The following MAST1 variants were observed in gnomAD, a reference collection of about 807,000 sequenced individuals.
MAST1 encodes microtubule-associated serine/threonine-protein kinase 1.
Under a neutral mutation model 124.6 loss-of-function variants are expected in MAST1, and 40 were observed. The ratio of observed to expected loss-of-function variants is 0.32; its 90% CI spans 0.25 to 0.42. The LOEUF (loss-of-function observed/expected upper bound fraction) is 0.42, where lower values mean the gene tolerates loss of function less well. Among genes scored for constraint, MAST1 ranks in the 10% least tolerant of loss-of-function variants. MAST1 has a pLI of 1.00. For missense variants in MAST1, 1,558 were observed against 2,181.9 expected, an observed-to-expected ratio of 0.71 and a Z score of 5.70; for synonymous variants, 938 against 939.4, an observed-to-expected ratio of 1.00 and a Z score of 0.03.
At position 12,847,968 on chromosome 19, in the gene MAST1, C is replaced by T; in HGVS notation, c.685C>T (p.Arg229Trp). 6.2e-7 allele frequency: 1 copy of T among 1,614,104 alleles called. No individual in the cohort carries two copies. The highest frequency in any genetic ancestry group is 1.3e-5 in the African/African-American group (1 of 75,058). The change falls in exon 7 of 26, where the codon CGG (arginine) becomes TGG (tryptophan). Residue 229 changes from arginine (R) to tryptophan (W), a missense_variant. Physicochemically the swap from Arg to Trp is moderately radical, Grantham distance 101 (BLOSUM62 -3). This residue lies in a region of MAST1 where 165 missense variants were observed against 315.3 expected (regional missense o/e 0.52). Coordinates refer to ENST00000251472, the MANE Select transcript of MAST1 (RefSeq NM_014975.3). The surrounding 1 kb of genome is among the most constrained non-coding windows in gnomAD (Gnocchi z 5.5). ...FIHHQIIELARDCLTKSRDGL... is the reference protein window; with the variant it reads ...FIHHQIIELAWDCLTKSRDGL... ...CCACCACCAGATCATCGAGCTGGCC[C>T]GGGACTGCCTGACCAAGTCCCGTGA...
intron 18 of MAST1, among the ~76,000 whole-genome samples, chr19:12,867,123 C>T (rs913438270): frequency 6.6e-6 from 1 of 152,098 alleles, no homozygotes; most frequent in African/African-American, 2.4e-5. Context: ...TTTCTAATAA[C>T]GGGCAGAGAA....
intron 10 of MAST1, among the ~76,000 whole-genome samples, chr19:12,857,232 T>A (rs1970026574): frequency 6.6e-6 from 1 of 151,274 alleles, no homozygotes; most frequent in African/African-American, 2.4e-5. Flanking sequence ...TACAGGCATG[T>A]GCCATCATGC....
At chr19:12,869,405 C>A in intron 22 of MAST1, 110 bp downstream of exon 22, 1 of 778,484 alleles carries the variant, frequency 1.3e-6, no homozygotes, top group Non-Finnish European at 2.1e-6. Flanking sequence ...ACCCTCTATG[C>A]CTCTTCCCTC....
chr19:12,868,103 A>ATTTTCTTTTTTTTTTT (rs1970181737), intron 20 of MAST1, 126 bp downstream of exon 20: 1 of 291,088 alleles, frequency 3.4e-6, no homozygotes, highest in Non-Finnish European at 4.8e-6. Flanking sequence ...GCAATTTGGG[A>ATTTTCTTTTTTTTTTT]TTTTTTTTTT....
intron 22 of MAST1, among the ~76,000 whole-genome samples, chr19:12,870,525 A>G (rs1290681117): frequency 2.7e-5 from 4 of 147,866 alleles, no homozygotes; most frequent in Non-Finnish European, 4.5e-5. Context: ...AGCCGGAGGT[A>G]GTGGCGCATG....
chr19:12,857,088 A>AT (rs879618860), intron 10 of MAST1, among the ~76,000 whole-genome samples: 33 of 147,118 alleles, frequency 2.2e-4, no homozygotes, highest in Middle Eastern at 3.5e-3. Flanking sequence ...GAGATTGAGA[A>AT]TTTTTTTTTT....
At chr19:12,860,177 C>T (rs1415063312) in intron 12 of MAST1, among the ~76,000 whole-genome samples, 1 of 152,032 alleles carries the variant, frequency 6.6e-6, no homozygotes, top group African/African-American at 2.4e-5. Context: ...TGCAGTGGCG[C>T]AATCTCAGCT....
Position 12,852,335 on chromosome 19 carries a change from G to A in MAST1, c.1017G>A (p.Val339=), listed in dbSNP as rs1398374608. Residue 339 remains valine, a synonymous_variant, in exon 10 of 26, where the codon GTG becomes GTA. Transcript: ENST00000251472. ...GLTRDPFPDV[V]HLEEQDSGGS... is the part of the protein sequence containing the mutation. ...CTCTCAGTCCCTCCCTAGATGTGGTGCATCTGGAGGAACAGGACAGTGGTG... is the reference window on the plus strand; with the variant it reads ...CTCTCAGTCCCTCCCTAGATGTGGTACATCTGGAGGAACAGGACAGTGGTG... The A allele has an allele frequency of 6.2e-7, 1 of 1,614,096 alleles. No homozygotes were observed.
chr19:12,857,415 C>A (rs911456205), intron 10 of MAST1, among the ~76,000 whole-genome samples: 122 of 140,336 alleles, frequency 8.7e-4, no homozygotes, highest in African/African-American at 3.2e-3. Context: ...GGCCAAGAAT[C>A]TTTTTTTTTT....
chr19:12,841,471 A>T lies in MAST1; in HGVS notation c.248+405A>T, dbSNP rs1274437862. Among the ~76,000 whole-genome samples, 1 of 152,216 alleles carries T rather than the reference A, an allele frequency of 6.6e-6. No homozygotes were observed. The highest frequency in any genetic ancestry group is 1.5e-5 in the Non-Finnish European group (1 of 68,026). On this transcript the variant is annotated intron_variant, in intron 3 of 25. Coordinates refer to ENST00000251472, the MANE Select transcript of MAST1 (RefSeq NM_014975.3). The surrounding 1 kb of genome is among the most constrained non-coding windows in gnomAD (Gnocchi z 4.3). ...GTCCCCGAGGTGGGGGAGGACGACTAGGGCTGTTTCTCAAGGGGAGGAATC... is the reference window on the plus strand; with the variant it reads ...GTCCCCGAGGTGGGGGAGGACGACTTGGGCTGTTTCTCAAGGGGAGGAATC...
In MAST1 at chr19:12,841,310, G is replaced by T. The variant is rs955529730; in HGVS notation, c.248+244G>T. Among the ~76,000 whole-genome samples, 19 of 152,268 alleles carry T rather than the reference G, an allele frequency of 1.2e-4. No individual in the cohort carries two copies. Among genetic ancestry groups the T allele is most frequent in the Non-Finnish European group, 1.8e-4 (12 of 68,048 alleles). On this transcript the variant is annotated intron_variant, in intron 3 of 25. Transcript: ENST00000251472. The surrounding 1 kb of genome is among the most constrained non-coding windows in gnomAD (Gnocchi z 4.3). Reference sequence around the variant, plus strand: ...GCTCCCTTTGCGGCAGGTCGAAAGCGCGTGCGCCCTGGGCGCGGGGTCTTA... The same window carrying T: ...GCTCCCTTTGCGGCAGGTCGAAAGCTCGTGCGCCCTGGGCGCGGGGTCTTA...
chr19:12,847,748 A>C lies in MAST1; in HGVS notation c.564+61A>C. ...GGCGGCCTGCACTCTCGCTCGCCTT[A>C]TCCCCGCGCGCCCCCTGGCGGCCTC... On this transcript the variant is annotated intron_variant, in intron 6 of 25. Transcript: ENST00000251472. This position sits in a 1 kb window ranked among gnomAD's most constrained non-coding sequence, Gnocchi z 5.5. 4.4e-6 allele frequency: 7 copies of C among 1,592,230 alleles called. No homozygotes were observed. The highest frequency in any genetic ancestry group is 6.0e-6 in the Non-Finnish European group (7 of 1,166,050).
At chr19:12,861,209 G>T (rs779361932) in intron 12 of MAST1, among the ~76,000 whole-genome samples, 1 of 151,934 alleles carries the variant, frequency 6.6e-6, no homozygotes, top group African/African-American at 2.4e-5. Flanking sequence ...CTAAAGGCGC[G>T]CCTCCACCAT....
In MAST1 at chr19:12,847,702, G is replaced by A. The variant is rs773682137; in HGVS notation, c.564+15G>A. ...GGTTCCCGAAGGTGAGGTGGGACCC[G>A]AGGCGGTCACGGGGTGACCAGGCGG... On this transcript the variant is annotated intron_variant, in intron 6 of 25. Transcript: ENST00000251472. The surrounding 1 kb of genome is among the most constrained non-coding windows in gnomAD (Gnocchi z 5.5). 4 of 1,612,998 alleles carry A rather than the reference G, an allele frequency of 2.5e-6. No individual in the cohort carries two copies. The Admixed American group carries it at 6.7e-5, about 27-fold the overall frequency.
Position 12,865,649 on chromosome 19 carries a change from C to G in MAST1, c.1805-68C>G. ...GCCACTGCACTCCAGCTGGGTGACA[C>G]AGTGAGATCCTGTGTCCAAACAACA... On this transcript the variant is annotated intron_variant, in intron 15 of 25. Coordinates refer to ENST00000251472, the MANE Select transcript of MAST1 (RefSeq NM_014975.3). This position sits in a 1 kb window ranked among gnomAD's most constrained non-coding sequence, Gnocchi z 7.1. 6.8e-7 allele frequency: 1 copy of G among 1,471,682 alleles called. No homozygotes were observed. Among genetic ancestry groups the G allele is most frequent in the East Asian group, 2.3e-5 (1 of 43,662 alleles). The allele number at this position is 1,471,682 out of a possible 1,614,324, so 91.2% of individuals were successfully genotyped here.
chr19:12,848,481 G>A (rs758974144), intron 7 of MAST1: 1 of 171,444 alleles, frequency 5.8e-6, no homozygotes, highest in Non-Finnish European at 1.3e-5. Context: ...CACAAAATTA[G>A]CCGGGCGTGG....
intron 7 of MAST1, among the ~76,000 whole-genome samples, chr19:12,850,344 C>T (rs1407160663): frequency 6.6e-6 from 1 of 152,076 alleles, no homozygotes; most frequent in African/African-American, 2.4e-5. Flanking sequence ...ATAGCGAGAC[C>T]CTGTCTCTAC....
chr19:12,860,778 A>C (rs1259113358), intron 12 of MAST1, among the ~76,000 whole-genome samples: 2 of 151,916 alleles, frequency 1.3e-5, no homozygotes, highest in Admixed American at 1.3e-4. Flanking sequence ...CCGTGCATGT[A>C]TTCACCCAAA....
At chr19:12,861,083 T>C (rs1026514831) in intron 12 of MAST1, among the ~76,000 whole-genome samples, 4 of 151,904 alleles carry the variant, frequency 2.6e-5, no homozygotes, top group Admixed American at 2.0e-4. Flanking sequence ...TTTATTTATT[T>C]ATGGAGTCTC....
Sources: gnomAD v4.1 joint callset for allele counts (sites outside exome capture counted in the v4.1 genomes callset) on GRCh38, gnomAD v4.1.1 for gene constraint, gnomAD v4.1.1 regional missense constraint, Gnocchi (gnomAD v3.1) non-coding constraint, MANE v1.5 for transcripts, NCBI Gene and HGNC (gene_info 2026-07-23, HGNC 2026-07-21) for gene names.